The following CCDC34 variants were observed in gnomAD, a reference collection of about 807,000 sequenced individuals.
CCDC34 encodes the protein coiled-coil domain containing 34, also known as coiled-coil domain-containing protein 34.
CCDC34 carries 40 observed loss-of-function variants against 44.1 expected under a neutral mutation model. The ratio of observed to expected loss-of-function variants is 0.91; its 90% confidence interval spans 0.70 to 1.18. The LOEUF (loss-of-function observed/expected upper bound fraction) is 1.18. Among genes scored for constraint, CCDC34 ranks in the 50% most tolerant of loss-of-function variants. CCDC34 has a pLI of 0.00. For missense variants in CCDC34, 466 were observed against 452.3 expected (o/e 1.03, Z -0.28); for synonymous variants, 159 against 158.2 (o/e 1.01, Z -0.04).
Position 27,341,425 on chromosome 11 carries a change from A to ATT in CCDC34, c.730_731dup (p.Asn244LysfsTer29). 1 of 1,461,726 alleles carries ATT rather than the reference A, an allele frequency of 6.8e-7. No individual in the cohort carries two copies. The highest frequency in any genetic ancestry group is 9.2e-7 in the Non-Finnish European group (1 of 1,084,066). 90.5% of individuals were successfully genotyped at this position (1,461,726 alleles called of 1,614,324 possible). ...TCTTCTTCCTCTCACATTCTTCAGC[A>ATT]TTTTTTTTCTTTAACCATTCTTGAT... is the stretch of plus-strand genomic sequence containing the variant. On this transcript the variant is annotated frameshift_variant, in exon 4 of 6. Transcript: ENST00000328697. LOFTEE classifies it high-confidence loss of function.
Position 27,363,165 on chromosome 11 carries a change from A to C in CCDC34, c.30T>G (p.Thr10=). 1 of 1,499,952 alleles carries C rather than the reference A, an allele frequency of 6.7e-7. No individual in the cohort carries two copies. The highest frequency in any genetic ancestry group is 8.8e-7 in the Non-Finnish European group (1 of 1,130,324). The allele number at this position is 1,499,952 out of a possible 1,614,324, so 92.9% of individuals were successfully genotyped here. Residue 10 remains threonine (T), a synonymous_variant, in exon 1 of 6, where the codon ACT becomes ACG. Coordinates refer to ENST00000328697, the MANE Select transcript of CCDC34 (RefSeq NM_030771.2). Reference sequence around the variant, plus strand: ...AGAAACCGGCGTAGGAAGAGGGAAAAGTAGGCCCCCAGCGCCCCGCCGCCC... The same window carrying C: ...AGAAACCGGCGTAGGAAGAGGGAAACGTAGGCCCCCAGCGCCCCGCCGCCC... MWAAGRWGP[T]FPSSYAGFSA...
rs773019149 is a variant in CCDC34, at chr11:27,341,425, AT to A, written c.731del (p.Asn244MetfsTer28). On this transcript the variant is annotated frameshift_variant, in exon 4 of 6. Transcript: ENST00000328697. LOFTEE classifies it high-confidence loss of function. Reference protein sequence around the residue: ...EKYQEWLKKKNAEECERKKKE... With the variant: ...EKYQEWLKKKXAEECERKKKE... ...TCTTCTTCCTCTCACATTCTTCAGC[AT>A]TTTTTTTCTTTAACCATTCTTGATA... The A allele has an allele frequency of 3.1e-5, 46 of 1,461,320 alleles. No individual in the cohort carries two copies. The highest frequency in any genetic ancestry group is 5.6e-5 in the South Asian group (4 of 71,830). 90.5% of individuals were successfully genotyped at this position (1,461,320 alleles called of 1,614,324 possible). A position where few individuals can be genotyped will look rare whatever the true frequency, so the allele number is the denominator to read the frequency against.
chr11:27,340,841 A>T lies in CCDC34; in HGVS notation c.766-4T>A, dbSNP rs1862346501. On this transcript the variant is annotated splice_polypyrimidine_tract_variant and splice_region_variant and intron_variant, in intron 4 of 5. Coordinates refer to ENST00000328697, the MANE Select transcript of CCDC34 (RefSeq NM_030771.2). ...CTTGCTGTTGTTTTTCTTTTTCCTT[A>T]AAATGACAAGACCAAAATATTTCCA... is the stretch of plus-strand genomic sequence containing the variant. 1.2e-6 allele frequency: 2 copies of T among 1,610,824 alleles called. No individual in the cohort carries two copies. Among genetic ancestry groups the T allele is most frequent in the African/African-American group, 2.7e-5 (2 of 74,614 alleles).
chr11:27,356,008 ATTTTTTTTTT>A (rs34146389), intron 2 of CCDC34, among the ~76,000 whole-genome samples: 3 of 69,510 alleles, frequency 4.3e-5, no homozygotes, highest in South Asian at 8.8e-4. Flanking sequence ...TGTTCCCAGG[ATTTTTTTTTT>A]TTTTTTTTTT....
At chr11:27,353,198 T>A (rs531850340) in intron 2 of CCDC34, among the ~76,000 whole-genome samples, 5 of 152,204 alleles carry the variant, frequency 3.3e-5, no homozygotes, top group Admixed American at 1.3e-4. Context: ...CTGAAGGTAA[T>A]AATAATCAGA....
intron 3 of CCDC34, chr11:27,349,636 T>C: frequency 1.0e-6 from 1 of 983,960 alleles, no homozygotes; most frequent in Non-Finnish European, 1.2e-6. Context: ...TAAGTATTTT[T>C]AAAATTTCGA....
intron 1 of CCDC34, among the ~76,000 whole-genome samples, chr11:27,358,862 ACAATCCTACGT>A (rs1420633549): frequency 1.3e-5 from 2 of 151,826 alleles, no homozygotes; most frequent in Non-Finnish European, 2.9e-5. Context: ...TACTCCTCTT[ACAATCCTACGT>A]CAGTGAATGT....
Position 27,357,545 on chromosome 11 carries a change from C to CA in CCDC34, c.360-5dup. 2 of 1,613,428 alleles carry CA rather than the reference C, an allele frequency of 1.2e-6. No individual in the cohort carries two copies. The highest frequency in any genetic ancestry group is 1.7e-6 in the Non-Finnish European group (2 of 1,179,606). On this transcript the variant is annotated splice_region_variant and splice_polypyrimidine_tract_variant and intron_variant, in intron 1 of 5. Transcript: ENST00000328697. The stretch of plus-strand genomic sequence containing the variant: ...ATTTTCTGATTCAACCTGAGTGCTA[C>CA]AAAAGAGAGGCTACTATAGTACTTG...
chr11:27,347,813 T>C (rs974368587), intron 3 of CCDC34, among the ~76,000 whole-genome samples: 16 of 152,156 alleles, frequency 1.1e-4, no homozygotes, highest in African/African-American at 2.4e-5. Flanking sequence ...TTAATGGTGA[T>C]GGTTACATGG....
chr11:27,350,506 G>A (rs2133344703), intron 2 of CCDC34, 67 bp from the exon 3 acceptor site: 2 of 1,425,984 alleles, frequency 1.4e-6, no homozygotes, highest in East Asian at 4.9e-5. Flanking sequence ...CATTTTAAAA[G>A]TCTGAGGTTA....
intron 3 of CCDC34, among the ~76,000 whole-genome samples, chr11:27,342,429 A>G (rs1055401847): frequency 1.3e-5 from 2 of 151,104 alleles, no homozygotes; most frequent in Non-Finnish European, 2.9e-5. Flanking sequence ...CAGTTTGTCA[A>G]TATTAATATT....
At chr11:27,358,970 C>A (rs998116964) in intron 1 of CCDC34, among the ~76,000 whole-genome samples, 9 of 117,892 alleles carry the variant, frequency 7.6e-5, no homozygotes, top group South Asian at 2.6e-4. Context: ...CCCCCCCCCC[C>A]ACCGCCACCA....
intron 4 of CCDC34, 81 bp downstream of exon 4, chr11:27,341,311 T>C (rs1341840218): frequency 1.2e-6 from 1 of 827,096 alleles, no homozygotes; most frequent in African/African-American, 1.8e-5. Context: ...CAATTTTCTA[T>C]TAGATACTTT....
At chr11:27,352,582 A>G (rs1038102813) in intron 2 of CCDC34, among the ~76,000 whole-genome samples, 3 of 152,182 alleles carry the variant, frequency 2.0e-5, no homozygotes, top group African/African-American at 7.2e-5. Flanking sequence ...TGACAACTAC[A>G]TATCAAAAAT....
chr11:27,348,865 C>T (rs1012385095), intron 3 of CCDC34: 1 of 961,740 alleles, frequency 1.0e-6, no homozygotes, highest in Admixed American at 6.3e-5. Flanking sequence ...TTCTGCAGAA[C>T]AGGTAAATAT....
At chr11:27,351,512 T>C (rs1449696142) in intron 2 of CCDC34, among the ~76,000 whole-genome samples, 3 of 152,162 alleles carry the variant, frequency 2.0e-5, no homozygotes, top group Non-Finnish European at 2.9e-5. Context: ...TTAAACACTA[T>C]ACCCCCAAAA....
At chr11:27,350,957 A>G (rs546794658) in intron 2 of CCDC34, among the ~76,000 whole-genome samples, 1 of 152,350 alleles carries the variant, frequency 6.6e-6, no homozygotes, top group African/African-American at 2.4e-5. Context: ...CTGGTTTTAT[A>G]GCTGCTGAAG....
intron 2 of CCDC34, 75 bp downstream of exon 2, chr11:27,357,328 A>G: frequency 7.0e-7 from 1 of 1,424,302 alleles, no homozygotes. Flanking sequence ...TAATAACATT[A>G]ACATTTTAAT....
Position 27,341,439 on chromosome 11 carries a change from A to G in CCDC34, c.718T>C (p.Leu240=). 1 of 1,460,096 alleles carries G rather than the reference A, an allele frequency of 6.8e-7. No individual in the cohort carries two copies. Among genetic ancestry groups the G allele is most frequent in the Admixed American group, 2.2e-5 (1 of 45,232 alleles). 90.4% of individuals were successfully genotyped at this position (1,460,096 alleles called of 1,614,324 possible). ...EKAKEKYQEW[L]KKKNAEECER... ...CATTCTTCAGCATTTTTTTTCTTTA[A>G]CCATTCTTGATATTTTTCTTTTGCT... The change falls in exon 4 of 6, where the codon TTA becomes CTA. Residue 240 remains leucine, a synonymous_variant. Coordinates refer to ENST00000328697, the MANE Select transcript of CCDC34 (RefSeq NM_030771.2).
Sources: gnomAD v4.1 joint callset for allele counts (sites outside exome capture counted in the v4.1 genomes callset) on GRCh38, gnomAD v4.1.1 for gene constraint, MANE v1.5 for transcripts, NCBI Gene and HGNC (gene_info 2026-07-23, HGNC 2026-07-21) for gene names.